TCF12: variants seen among roughly 807,000 people sequenced by gnomAD.
The protein encoded by TCF12 is transcription factor 12, also known as DNA-binding protein HTF4.
Under a neutral mutation model 86.0 loss-of-function variants are expected in TCF12, and 45 were observed. The ratio of observed to expected loss-of-function variants is 0.52; its 90% confidence interval spans 0.41 to 0.67. TCF12 has a LOEUF of 0.67. TCF12 is among the 30% of genes least tolerant of loss of function. The probability of loss-of-function intolerance (pLI) is 0.00; values close to 1 mark genes in which losing one functional copy is unlikely to be tolerated. For missense variants in TCF12, 881 were observed against 859.9 expected (o/e 1.02, Z -0.31); for synonymous variants, 330 against 299.6 (o/e 1.10, Z -1.05).
intron 6 of TCF12, among the ~76,000 whole-genome samples, chr15:57,186,029 A>T (rs1286656004): frequency 1.3e-5 from 2 of 152,240 alleles, no homozygotes; most frequent in African/African-American, 4.8e-5. Flanking sequence ...AATAAAAAGG[A>T]TTATAAGAGA....
At chr15:56,919,766 C>T (rs1213953433) in intron 1 of TCF12, 126 bp from the exon 2 acceptor site, 7 of 748,224 alleles carry the variant, frequency 9.4e-6, no homozygotes, top group South Asian at 3.8e-5. Context: ...GGGAGCGAGT[C>T]GGGGTCCTGG....
In TCF12 at chr15:57,201,887, G is replaced by A. The variant is rs1349578932; in HGVS notation, c.579+4062G>A. ...TATGAGATCTTCACTAAGATACAAA[G>A]TTCAAGGGAATTTTGAATCTCTGGG... On this transcript the variant is annotated intron_variant, in intron 8 of 20. Transcript: ENST00000333725. Among the ~76,000 whole-genome samples the A allele has an allele frequency of 3.3e-5, 5 of 152,182 alleles. No individual in the cohort carries two copies. In the South Asian group the frequency reaches 8.3e-4, roughly 25 times the overall value.
chr15:56,970,885 AC>A (rs1302790370), intron 3 of TCF12, among the ~76,000 whole-genome samples: 1 of 142,376 alleles, frequency 7.0e-6, no homozygotes, highest in African/African-American at 2.6e-5. Context: ...CCCTGTCTCT[AC>A]AAAAAATAAA....
intron 3 of TCF12, among the ~76,000 whole-genome samples, chr15:57,008,443 A>G (rs1415402658): frequency 6.7e-6 from 1 of 149,820 alleles, no homozygotes; most frequent in Non-Finnish European, 1.5e-5. Context: ...TGGTGCAGTT[A>G]TAGCTGGGTT....
intron 8 of TCF12, among the ~76,000 whole-genome samples, chr15:57,220,008 G>A (rs1229472985): frequency 6.6e-6 from 1 of 152,112 alleles, no homozygotes; most frequent in African/African-American, 2.4e-5. Context: ...TTACAGGCAT[G>A]AGCCACCGCG....
chr15:57,157,765 G>A (rs2054217722), intron 5 of TCF12, among the ~76,000 whole-genome samples: 1 of 151,956 alleles, frequency 6.6e-6, no homozygotes, highest in Admixed American at 6.6e-5. Context: ...GTTTCACTAT[G>A]TTGGCTAGGC....
intron 6 of TCF12, among the ~76,000 whole-genome samples, chr15:57,186,880 G>T (rs1408424195): frequency 1.3e-5 from 2 of 152,056 alleles, no homozygotes; most frequent in African/African-American, 4.8e-5. Context: ...TGTCTCAATT[G>T]ATGCCAAAAA....
At chr15:57,027,605 T>C (rs1481611061) in intron 3 of TCF12, among the ~76,000 whole-genome samples, 1 of 152,090 alleles carries the variant, frequency 6.6e-6, no homozygotes, top group African/African-American at 2.4e-5. Context: ...TTGTTAACTG[T>C]ATGGTTAATA....
chr15:57,218,249 A>G (rs758800569), intron 8 of TCF12, among the ~76,000 whole-genome samples: 3 of 152,174 alleles, frequency 2.0e-5, no homozygotes, highest in Admixed American at 6.5e-5. Context: ...CTCTCCTCTG[A>G]TTAATACAAT....
chr15:57,197,874 G>T, intron 8 of TCF12, 49 bp downstream of exon 8: 1 of 1,586,796 alleles, frequency 6.3e-7, no homozygotes, highest in Non-Finnish European at 8.6e-7. Context: ...CTGATTTCAA[G>T]TGTTCCGTAT....
intron 19 of TCF12, among the ~76,000 whole-genome samples, chr15:57,280,042 C>T (rs916440886): frequency 2.6e-5 from 4 of 151,896 alleles, no homozygotes; most frequent in South Asian, 4.2e-4. Context: ...TATAGGCACC[C>T]GCCACCACGC....
intron 3 of TCF12, among the ~76,000 whole-genome samples, chr15:56,923,575 T>A (rs2059884692): frequency 6.6e-6 from 1 of 152,108 alleles, no homozygotes; most frequent in Non-Finnish European, 1.5e-5. Flanking sequence ...GGCACTCTAA[T>A]TAGGGCAGTG....
At chr15:57,191,612 T>C (rs1478927398) in intron 6 of TCF12, among the ~76,000 whole-genome samples, 3 of 152,144 alleles carry the variant, frequency 2.0e-5, no homozygotes, top group Non-Finnish European at 2.9e-5. Context: ...CTTTCAACTC[T>C]AAGATTTTAT....
chr15:57,082,522 C>A (rs1471134034), intron 4 of TCF12, among the ~76,000 whole-genome samples: 3 of 152,204 alleles, frequency 2.0e-5, no homozygotes, highest in African/African-American at 7.2e-5. Flanking sequence ...CCAGGCCAAA[C>A]TATTTCAGAT....
chr15:57,250,529 G>T (rs1355698993), intron 13 of TCF12, among the ~76,000 whole-genome samples: 6 of 152,122 alleles, frequency 3.9e-5, no homozygotes, highest in Non-Finnish European at 4.4e-5. Context: ...AGGAGTTCGA[G>T]ACCAGCCTGG....
intron 6 of TCF12, among the ~76,000 whole-genome samples, chr15:57,182,706 A>G (rs2056429229): frequency 2.6e-5 from 4 of 152,148 alleles, no homozygotes; most frequent in Admixed American, 2.6e-4. Context: ...CCACATATCC[A>G]GATTTGTCTA....
At chr15:57,074,935 T>C (rs1423743878) in intron 4 of TCF12, among the ~76,000 whole-genome samples, 2 of 152,230 alleles carry the variant, frequency 1.3e-5, no homozygotes, top group African/African-American at 4.8e-5. Context: ...GGTTAGATTT[T>C]TGTGTCATGT....
chr15:56,983,396 G>T (rs749446032), intron 3 of TCF12, among the ~76,000 whole-genome samples: 1 of 152,168 alleles, frequency 6.6e-6, no homozygotes, highest in Non-Finnish European at 1.5e-5. Context: ...CAAGAAAGCT[G>T]TAGAGGGAAA....
chr15:57,267,003 T>A (rs2060901715), intron 18 of TCF12, among the ~76,000 whole-genome samples: 1 of 152,224 alleles, frequency 6.6e-6, no homozygotes, highest in Admixed American at 6.5e-5. Context: ...CATTCTAGCC[T>A]GGCTAACAGA....
Sources: allele counts gnomAD v4.1 joint callset (sites outside exome capture counted in the v4.1 genomes callset), GRCh38; gene constraint gnomAD v4.1.1; transcripts MANE v1.5; gene names NCBI Gene and HGNC (gene_info 2026-07-23, HGNC 2026-07-21).